Variants in KBTBD11 observed in about 807,000 individuals in gnomAD.
KBTBD11 encodes kelch repeat and BTB domain-containing protein 11.
For synonymous variants in KBTBD11, 747 were observed against 499.0 expected (o/e 1.50, Z -6.63); for missense variants, 1,390 against 1,001.8 (o/e 1.39, Z -5.23).
intron 1 of KBTBD11, among the ~76,000 whole-genome samples, chr8:1,984,933 G>GTT (rs1383520498): frequency 6.6e-6 from 1 of 152,224 alleles, no homozygotes; most frequent in Non-Finnish European, 1.5e-5. Context: ...ACATAAGGGT[G>GTT]TTTCACAGCC....
In KBTBD11 at chr8:2,000,569, G is replaced by T. The variant is rs1360370363; in HGVS notation, c.-624G>T. Reference sequence around the variant, plus strand: ...CACAGAGAAGGAGAGCCCATAAGGGGACTCTTTTCAAGACACGGTGTTAAA... The same window carrying T: ...CACAGAGAAGGAGAGCCCATAAGGGTACTCTTTTCAAGACACGGTGTTAAA... On this transcript the variant is annotated 5_prime_UTR_variant, in exon 2 of 2. Coordinates refer to ENST00000320248, the MANE Select transcript of KBTBD11 (RefSeq NM_014867.3). 6.6e-6 allele frequency: 1 copy of T among 152,260 alleles called. No individual in the cohort carries two copies. Among genetic ancestry groups the T allele is most frequent in the Non-Finnish European group, 1.5e-5 (1 of 68,080 alleles). 9.4% of individuals were successfully genotyped at this position (152,260 alleles called of 1,614,324 possible).
In KBTBD11 at chr8:2,001,906, G is replaced by C. The variant is rs759266529; in HGVS notation, c.714G>C (p.Glu238Asp). The change falls in exon 2 of 2, where the codon GAG becomes GAC. Residue 238 changes from glutamate (E) to aspartate (D), a missense_variant. Glu to Asp is a conservative substitution (Grantham distance 45). Transcript: ENST00000320248. ...AGCTGAGCCTGGCCAACTGCTACGAGGTCCTGAGCGCGGCCAAGCGGCAGC... is the reference window on the plus strand; with the variant it reads ...AGCTGAGCCTGGCCAACTGCTACGACGTCCTGAGCGCGGCCAAGCGGCAGC... ...GPQLSLANCY[E>D]VLSAAKRQRL... is the part of the protein sequence containing the mutation. 154 of 1,442,806 alleles carry C rather than the reference G, an allele frequency of 1.1e-4. No homozygotes were observed. The highest frequency in any genetic ancestry group is 1.4e-4 in the Non-Finnish European group (150 of 1,091,670). The allele number at this position is 1,442,806 out of a possible 1,614,324, so 89.4% of individuals were successfully genotyped here. A position where few individuals can be genotyped will look rare whatever the true frequency, so the allele number is the denominator to read the frequency against.
chr8:2,001,272 C>A lies in KBTBD11; in HGVS notation c.80C>A (p.Ala27Asp), dbSNP rs754046048. Residue 27 changes from alanine (A) to aspartate (D), a missense_variant, in exon 2 of 2, where the codon GCC (alanine) becomes GAC (aspartate). By Grantham distance (126) the Ala-to-Asp change is moderately radical (BLOSUM62 -2). Coordinates refer to ENST00000320248, the MANE Select transcript of KBTBD11 (RefSeq NM_014867.3). ...GAAGESESEG[A>D]ASPAQTPCSL... ...GCCGGGGAGAGCGAGAGCGAGGGCG[C>A]CGCGTCCCCGGCGCAGACACCCTGC... The A allele has an allele frequency of 4.0e-6, 6 of 1,518,008 alleles. No individual in the cohort carries two copies. Among genetic ancestry groups the A allele is most frequent in the Middle Eastern group, 2.0e-4 (1 of 4,926 alleles). 94.0% of individuals were successfully genotyped at this position (1,518,008 alleles called of 1,614,324 possible).
At chr8:1,981,996 G>T (rs973277158) in intron 1 of KBTBD11, among the ~76,000 whole-genome samples, 1 of 152,128 alleles carries the variant, frequency 6.6e-6, no homozygotes, top group African/African-American at 2.4e-5. Flanking sequence ...TCATCTACCG[G>T]TCTATCTAGC....
chr8:2,006,341 T>A lies in KBTBD11; in HGVS notation c.*3277T>A, dbSNP rs889680991. 9 of 167,100 alleles carry A rather than the reference T, an allele frequency of 5.4e-5. No individual in the cohort carries two copies. Among genetic ancestry groups the A allele is most frequent in the African/African-American group, 2.2e-4 (9 of 41,478 alleles). 10.4% of individuals were successfully genotyped at this position (167,100 alleles called of 1,614,324 possible). ...TCAAGACATAATCTCTTGTAAGATC[T>A]AAATAGAGCAAATGTAAACAAAAGT... On this transcript the variant is annotated 3_prime_UTR_variant, in exon 2 of 2. Transcript: ENST00000320248.
intron 1 of KBTBD11, among the ~76,000 whole-genome samples, chr8:1,994,305 T>C (rs1817051540): frequency 6.6e-6 from 1 of 152,184 alleles, no homozygotes; most frequent in African/African-American, 2.4e-5. Context: ...GCGTCAATGC[T>C]CAGAACTGCG....
chr8:1,980,447 A>C (rs1816502416), intron 1 of KBTBD11, among the ~76,000 whole-genome samples: 1 of 152,128 alleles, frequency 6.6e-6, no homozygotes, highest in Admixed American at 6.5e-5. Context: ...GGATGGTCCC[A>C]ATCTCTTGAC....
intron 1 of KBTBD11, among the ~76,000 whole-genome samples, chr8:1,990,157 C>T (rs935994168): frequency 6.6e-6 from 1 of 152,176 alleles, no homozygotes; most frequent in Non-Finnish European, 1.5e-5. Context: ...GGGACAGTTG[C>T]CGGGAAGATG....
chr8:1,980,589 C>G (rs1023325750), intron 1 of KBTBD11, among the ~76,000 whole-genome samples: 9 of 152,236 alleles, frequency 5.9e-5, no homozygotes, highest in Non-Finnish European at 1.3e-4. Flanking sequence ...CTGCAGGCAG[C>G]TTCCGTGGGG....
Position 1,992,510 on chromosome 8 carries a change from A to G in KBTBD11, c.-908-7775A>G, listed in dbSNP as rs545651904. 2.0e-5 allele frequency among the ~76,000 whole-genome samples: 3 copies of G among 152,040 alleles called. No homozygotes were observed. In the South Asian group the frequency reaches 6.2e-4, roughly 32 times the overall value. ...TGGCTGGAGGTGTAGGTACCTGGAG[A>G]GATTTCCCAAGGTTAGAAATGCTCC... On this transcript the variant is annotated intron_variant, in intron 1 of 1. Transcript: ENST00000320248.
rs558419003 is a variant in KBTBD11, at chr8:2,005,794, C to T, written c.*2730C>T. 1 of 167,052 alleles carries T rather than the reference C, an allele frequency of 6.0e-6. No individual in the cohort carries two copies. The highest frequency in any genetic ancestry group is 2.4e-5 in the African/African-American group (1 of 41,428). The allele number at this position is 167,052 out of a possible 1,614,324, so 10.3% of individuals were successfully genotyped here. ...CGTGAAATTAACCCATACGCAGGGGCCTTTCCAAATGTCTGAAAAGGCAGT... is the reference window on the plus strand; with the variant it reads ...CGTGAAATTAACCCATACGCAGGGGTCTTTCCAAATGTCTGAAAAGGCAGT... On this transcript the variant is annotated 3_prime_UTR_variant, in exon 2 of 2. Transcript: ENST00000320248.
chr8:1,990,264 C>A (rs1373539883), intron 1 of KBTBD11, among the ~76,000 whole-genome samples: 1 of 129,442 alleles, frequency 7.7e-6, no homozygotes, highest in African/African-American at 3.0e-5. Context: ...GGCCTTGGCG[C>A]CCTGTCTGGG....
In KBTBD11 at chr8:1,974,050, G is replaced by A. The variant is rs1222786435; in HGVS notation, c.-909+115G>A. 9 of 839,848 alleles carry A rather than the reference G, an allele frequency of 1.1e-5. No homozygotes were observed. The East Asian group carries it at 3.7e-4, about 34-fold the overall frequency. 52.0% of individuals were successfully genotyped at this position (839,848 alleles called of 1,614,324 possible). On this transcript the variant is annotated intron_variant, in intron 1 of 1. Transcript: ENST00000320248. ...GAGGTGGTCGGCGAGAGCGGCAGTAGGCGGGAGGGGAGAAAAGGGGAGGCC... is the reference window on the plus strand; with the variant it reads ...GAGGTGGTCGGCGAGAGCGGCAGTAAGCGGGAGGGGAGAAAAGGGGAGGCC...
At chr8:1,992,812 C>G (rs1056377399) in intron 1 of KBTBD11, among the ~76,000 whole-genome samples, 2 of 151,532 alleles carry the variant, frequency 1.3e-5, no homozygotes, top group Admixed American at 6.6e-5. Context: ...CCAGATATAA[C>G]TATTGATCTC....
At chr8:1,974,015 C>T (rs1419743928) in intron 1 of KBTBD11, 80 bp downstream of exon 1, 5 of 227,722 alleles carry the variant, frequency 2.2e-5, no homozygotes, top group African/African-American at 1.2e-4. Flanking sequence ...TCGGAGGGGG[C>T]GGCGGGTGGG....
In KBTBD11 at chr8:2,001,158, G is replaced by C. The variant is rs978834235; in HGVS notation, c.-35G>C. 27 of 1,295,002 alleles carry C rather than the reference G, an allele frequency of 2.1e-5. No homozygotes were observed. The highest frequency in any genetic ancestry group is 1.1e-4 in the African/African-American group (7 of 64,750). 80.2% of individuals were successfully genotyped at this position (1,295,002 alleles called of 1,614,324 possible). The stretch of plus-strand genomic sequence containing the variant: ...GGCCAGACCTGCAGGCTGCGGAACC[G>C]GGGGCGCGCGGGCGCAGCGCAGCAC... On this transcript the variant is annotated 5_prime_UTR_variant, in exon 2 of 2. Coordinates refer to ENST00000320248, the MANE Select transcript of KBTBD11 (RefSeq NM_014867.3).
chr8:1,978,432 G>C (rs1384239118), intron 1 of KBTBD11, among the ~76,000 whole-genome samples: 1 of 152,214 alleles, frequency 6.6e-6, no homozygotes. Flanking sequence ...TCACACACTG[G>C]GGGCTGGCGC....
Position 2,001,307 on chromosome 8 carries a change from G to C in KBTBD11, c.115G>C (p.Ala39Pro), listed in dbSNP as rs777747996. The C allele has an allele frequency of 2.0e-6, 3 of 1,524,174 alleles. No homozygotes were observed. The South Asian group carries it at 3.7e-5, about 19-fold the overall frequency. 94.4% of individuals were successfully genotyped at this position (1,524,174 alleles called of 1,614,324 possible). ...GGCGCAGACACCCTGCAGTCTCGGC[G>C]CGTCCCTGTGCTTCAGCTCCGGGGA... is the stretch of plus-strand genomic sequence containing the variant. ...SPAQTPCSLGASLCFSSGEES... is the reference protein window; with the variant it reads ...SPAQTPCSLGPSLCFSSGEES... Residue 39 changes from alanine (A) to proline (P), a missense_variant, in exon 2 of 2, where the codon GCG becomes CCG. By Grantham distance (27) the Ala-to-Pro change is conservative. Transcript: ENST00000320248.
intron 1 of KBTBD11, among the ~76,000 whole-genome samples, chr8:1,992,472 G>C (rs1488234594): frequency 6.6e-6 from 1 of 152,030 alleles, no homozygotes; most frequent in East Asian, 1.9e-4. Flanking sequence ...AGCGGGGGTG[G>C]GGTGGGAAAC....
Sources: gnomAD v4.1 joint callset for allele counts (sites outside exome capture counted in the v4.1 genomes callset) on GRCh38, gnomAD v4.1.1 for gene constraint, MANE v1.5 for transcripts, NCBI Gene and HGNC (gene_info 2026-07-23, HGNC 2026-07-21) for gene names.